Variants in MYH10 observed in about 807,000 individuals in gnomAD.
MYH10 encodes myosin-10.
Under a neutral mutation model 257.8 loss-of-function variants are expected in MYH10, and 55 were observed. The observed-to-expected ratio is 0.21, with a 90% CI of 0.17 to 0.27. The LOEUF (loss-of-function observed/expected upper bound fraction) is 0.27. Among genes scored for constraint, MYH10 ranks in the 10% least tolerant of loss-of-function variants. The pLI is 1.00. For missense variants in MYH10, 1,631 were observed against 2,500.6 expected (o/e 0.65, Z 7.42); for synonymous variants, 854 against 921.7 (o/e 0.93, Z 1.33).
In MYH10 at chr17:8,616,163, G is replaced by T. The variant is rs182066071; in HGVS notation, c.345+6739C>A. ...CCAGGCATGGTGGTACATGCCTATG[G>T]TCCCTGCTACTCGGGAGGCTGAGGT... is the stretch of plus-strand genomic sequence containing the variant. On this transcript the variant is annotated intron_variant, in intron 2 of 42. Transcript: ENST00000360416. Among the ~76,000 whole-genome samples, 250 of 152,102 alleles carry T rather than the reference G, an allele frequency of 1.6e-3. 3 individuals are homozygous for T. Among genetic ancestry groups the T allele is most frequent in the African/African-American group, 6.0e-3 (247 of 41,500 alleles).
At chr17:8,570,172 A>AC (rs2152002060) in intron 6 of MYH10, among the ~76,000 whole-genome samples, 1 of 152,358 alleles carries the variant, frequency 6.6e-6, no homozygotes, top group East Asian at 1.9e-4. Flanking sequence ...ACATATTAAT[A>AC]CTTGTTTATT....
intron 17 of MYH10, among the ~76,000 whole-genome samples, chr17:8,530,308 T>G (rs2081971449): frequency 6.6e-6 from 1 of 152,218 alleles, no homozygotes; most frequent in South Asian, 2.1e-4. Flanking sequence ...ACAATGGCAC[T>G]ATTGGAAAAG....
At chr17:8,618,177 T>G (rs1048633958) in intron 2 of MYH10, among the ~76,000 whole-genome samples, 2 of 152,138 alleles carry the variant, frequency 1.3e-5, no homozygotes, top group Non-Finnish European at 1.5e-5. Context: ...AGGAACGGTT[T>G]AACAGTCTTT....
At chr17:8,521,536 G>A (rs1014189717) in intron 17 of MYH10, 15 of 485,118 alleles carry the variant, frequency 3.1e-5, no homozygotes, top group African/African-American at 1.9e-4. Flanking sequence ...CTTCCGCTGC[G>A]CTAGTTTCAG....
At chr17:8,534,831 T>C (rs1252254121) in intron 16 of MYH10, among the ~76,000 whole-genome samples, 5 of 152,250 alleles carry the variant, frequency 3.3e-5, no homozygotes, top group African/African-American at 9.6e-5. Context: ...GATTTTCTGA[T>C]ACTAGTAAAA....
intron 7 of MYH10, among the ~76,000 whole-genome samples, chr17:8,566,874 C>A (rs531936038): frequency 3.7e-4 from 56 of 152,262 alleles, no homozygotes; most frequent in African/African-American, 1.2e-3. Flanking sequence ...ACATTCTTTA[C>A]CCAAGGACAC....
At chr17:8,494,691 C>A (rs1439214680) in intron 31 of MYH10, among the ~76,000 whole-genome samples, 1 of 152,222 alleles carries the variant, frequency 6.6e-6, no homozygotes, top group South Asian at 2.1e-4. Flanking sequence ...TTAAAAACAT[C>A]CCTAACGGAT....
chr17:8,513,770 A>G lies in MYH10; in HGVS notation c.2613+16T>C. ...GCTATTTGAAAGGGATCTGGAAAGAAGTGAGCCAAGCTCACCTTTGTGAAG... is the reference window on the plus strand; with the variant it reads ...GCTATTTGAAAGGGATCTGGAAAGAGGTGAGCCAAGCTCACCTTTGTGAAG... On this transcript the variant is annotated intron_variant, in intron 22 of 42. Transcript: ENST00000360416. The G allele has an allele frequency of 6.2e-7, 1 of 1,613,756 alleles. No individual in the cohort carries two copies. The highest frequency in any genetic ancestry group is 8.5e-7 in the Non-Finnish European group (1 of 1,179,852).
intron 14 of MYH10, among the ~76,000 whole-genome samples, chr17:8,536,641 A>C (rs1320989872): frequency 6.6e-6 from 1 of 152,154 alleles, no homozygotes; most frequent in Admixed American, 6.5e-5. Flanking sequence ...TCTACTAAAA[A>C]TACAAAAATT....
In MYH10 at chr17:8,474,861, A is replaced by G. The variant is rs1912243523; in HGVS notation, c.*943T>C. On this transcript the variant is annotated 3_prime_UTR_variant, in exon 43 of 43. Transcript: ENST00000360416. ...AAACCTCATTGACAAACTTGGAACA[A>G]GCCTCGGACACAAAACCAATATTCC... is the stretch of plus-strand genomic sequence containing the variant. 6.6e-6 allele frequency: 1 copy of G among 152,656 alleles called. No individual in the cohort carries two copies. Among genetic ancestry groups the G allele is most frequent in the Non-Finnish European group, 1.5e-5 (1 of 68,040 alleles). The allele number at this position is 152,656 out of a possible 1,614,324, so 9.5% of individuals were successfully genotyped here.
rs201290410 is a variant in MYH10, at chr17:8,535,381, T to C, written c.1894+6A>G. On this transcript the variant is annotated splice_donor_region_variant and intron_variant, in intron 16 of 42. Coordinates refer to ENST00000360416, the MANE Select transcript of MYH10 (RefSeq NM_001256012.3). This position sits in a 1 kb window ranked among gnomAD's most constrained non-coding sequence, Gnocchi z 4.3. ...AGCATGATTACAAAGATAAGCACTT[T>C]CTTACCATCTTTCCAAAGCTCTGCC... The C allele has an allele frequency of 3.1e-6, 5 of 1,608,032 alleles. No homozygotes were observed. Among genetic ancestry groups the C allele is most frequent in the Non-Finnish European group, 4.3e-6 (5 of 1,175,368 alleles).
intron 2 of MYH10, among the ~76,000 whole-genome samples, chr17:8,615,716 AT>A (rs1402773629): frequency 2.0e-5 from 3 of 152,258 alleles, no homozygotes; most frequent in Admixed American, 1.3e-4. Context: ...ATGGAAAAAC[AT>A]TTGATAAATT....
In MYH10 at chr17:8,549,088, T is replaced by C. The variant is rs58369592; in HGVS notation, c.920-301A>G. On this transcript the variant is annotated intron_variant, in intron 9 of 42. Transcript: ENST00000360416. The stretch of plus-strand genomic sequence containing the variant: ...TTGGTTATCTGCGAAATGATGTCAA[T>C]TGTCCAGATGACAAAACTCTATTGT... Among the ~76,000 whole-genome samples, 678 of 152,366 alleles carry C rather than the reference T, an allele frequency of 4.4e-3. 6 individuals are homozygous for C. The highest frequency in any genetic ancestry group is 0.016 in the African/African-American group (656 of 41,590).
intron 3 of MYH10, among the ~76,000 whole-genome samples, chr17:8,592,001 T>C (rs907781507): frequency 4.6e-5 from 7 of 152,180 alleles, no homozygotes; most frequent in Non-Finnish European, 8.8e-5. Context: ...TTTCCAATGA[T>C]CTTTATACTC....
chr17:8,533,863 TGTAACCTACACAGTCTCCAACAC>T (rs2082070371), intron 16 of MYH10, among the ~76,000 whole-genome samples: 1 of 152,210 alleles, frequency 6.6e-6, no homozygotes, highest in Admixed American at 6.5e-5. Context: ...GGGGAGACTT[TGTAACCTACACAGTCTCCAACAC>T]TGTCACAGCT....
intron 5 of MYH10, among the ~76,000 whole-genome samples, 183 bp downstream of exon 5, chr17:8,577,053 C>G (rs138950951): frequency 4.7e-4 from 71 of 152,316 alleles, no homozygotes; most frequent in African/African-American, 1.7e-3. Flanking sequence ...TCTTTAACAG[C>G]AATTTCCTTG....
chr17:8,480,336 GT>G lies in MYH10; in HGVS notation c.5389-19del. On this transcript the variant is annotated intron_variant, in intron 39 of 42. Coordinates refer to ENST00000360416, the MANE Select transcript of MYH10 (RefSeq NM_001256012.3). The stretch of plus-strand genomic sequence containing the variant: ...GTGTCCACCTAGAGAGGAGAGAGGA[GT>G]TTAGTCACTTGTGCCTGAGGGGTGG... The G allele has an allele frequency of 6.2e-7, 1 of 1,613,388 alleles. No individual in the cohort carries two copies. The highest frequency in any genetic ancestry group is 8.5e-7 in the Non-Finnish European group (1 of 1,179,446).
intron 16 of MYH10, among the ~76,000 whole-genome samples, chr17:8,533,584 TTAG>T (rs1446472666): frequency 1.3e-5 from 2 of 152,176 alleles, no homozygotes; most frequent in Non-Finnish European, 2.9e-5. Flanking sequence ...TGTGTGGCAC[TTAG>T]TAGGTGCTCA....
chr17:8,584,346 T>C (rs1265384796), intron 4 of MYH10, among the ~76,000 whole-genome samples: 1 of 152,208 alleles, frequency 6.6e-6, no homozygotes, highest in Non-Finnish European at 1.5e-5. Flanking sequence ...TAAAGGAAGA[T>C]GCTGAGGCAA....
Sources: allele counts gnomAD v4.1 joint callset (sites outside exome capture counted in the v4.1 genomes callset), GRCh38; gene constraint gnomAD v4.1.1; non-coding constraint Gnocchi (gnomAD v3.1); transcripts MANE v1.5; gene names NCBI Gene and HGNC (gene_info 2026-07-23, HGNC 2026-07-21).